WDR11: variants seen among roughly 807,000 people sequenced by gnomAD.
WDR11 encodes WD repeat domain 11.
WDR11 carries 83 observed loss-of-function variants against 151.2 expected under a neutral mutation model. That is an observed-to-expected ratio of 0.55 (90% confidence interval 0.46 to 0.66). The LOEUF (loss-of-function observed/expected upper bound fraction) is 0.66. WDR11 is among the 30% of genes least tolerant of loss of function. The pLI is 0.00. For synonymous variants in WDR11, 484 were observed against 533.1 expected, an observed-to-expected ratio of 0.91 and a Z score of 1.27; for missense variants, 1,301 against 1,480.9, an observed-to-expected ratio of 0.88 and a Z score of 1.99.
At chr10:120,877,795 T>C (rs2133770216) in intron 11 of WDR11, among the ~76,000 whole-genome samples, 1 of 152,326 alleles carries the variant, frequency 6.6e-6, no homozygotes, top group African/African-American at 2.4e-5. Flanking sequence ...CTAAAGCACT[T>C]GAAGGTTGTA....
chr10:120,871,623 G>T (rs543020399), intron 10 of WDR11, among the ~76,000 whole-genome samples: 2 of 152,242 alleles, frequency 1.3e-5, no homozygotes, highest in East Asian at 3.9e-4. Flanking sequence ...AATACCAGGA[G>T]GCTCATCCCT....
In WDR11 at chr10:120,860,909, G is replaced by A. The variant is rs74911252; in HGVS notation, c.526+627G>A. On this transcript the variant is annotated intron_variant, in intron 4 of 28. Transcript: ENST00000263461. The stretch of plus-strand genomic sequence containing the variant: ...TTGCTACTCTTCTGGGAACCAAGAT[G>A]TCTCAGAACCCAAAAGGCAGGAGCC... Among the ~76,000 whole-genome samples, 1,486 of 152,328 alleles carry A rather than the reference G, an allele frequency of 9.8e-3. 22 individuals carry two copies. Among genetic ancestry groups the A allele is most frequent in the African/African-American group, 0.034 (1,418 of 41,558 alleles).
intron 12 of WDR11, 170 bp from the exon 13 acceptor site, chr10:120,880,656 C>A (rs1204419528): frequency 1.9e-5 from 10 of 535,370 alleles, no homozygotes; most frequent in African/African-American, 2.1e-5. Context: ...GAGACCATCT[C>A]AAAAAAAAAA....
chr10:120,878,496 G>C lies in WDR11; in HGVS notation c.1663+37G>C, dbSNP rs767011324. 2.0e-6 allele frequency: 3 copies of C among 1,505,796 alleles called. No homozygotes were observed. In the South Asian group the frequency reaches 3.4e-5, roughly 17 times the overall value. The allele number at this position is 1,505,796 out of a possible 1,614,324, so 93.3% of individuals were successfully genotyped here. A position where few individuals can be genotyped will look rare whatever the true frequency, so the allele number is the denominator to read the frequency against. ...AAGATCCAAATAGGTTTGTCATATT[G>C]AATAAACATGTTGCCATTTATAAAA... On this transcript the variant is annotated intron_variant, in intron 12 of 28. Coordinates refer to ENST00000263461, the MANE Select transcript of WDR11 (RefSeq NM_018117.12).
chr10:120,906,838 A>G lies in WDR11; in HGVS notation c.3500A>G (p.Glu1167Gly). The G allele has an allele frequency of 6.2e-7, 1 of 1,614,210 alleles. No individual in the cohort carries two copies. The highest frequency in any genetic ancestry group is 1.3e-5 in the African/African-American group (1 of 75,066). The change falls in exon 28 of 29, where the codon GAA becomes GGA. Residue 1167 changes from glutamate (E) to glycine (G), a missense_variant. Physicochemically the swap from Glu to Gly is moderately conservative, Grantham distance 98. Around this residue, in one of 3 missense-constraint regions of WDR11, gnomAD observed 589 missense variants for 670.6 expected, o/e 0.88. Transcript: ENST00000263461. ...VEACLKYGAFEVTEDTEKLIT... is the reference protein window; with the variant it reads ...VEACLKYGAFGVTEDTEKLIT... Reference sequence around the variant, plus strand: ...GCTTGCCTCAAGTATGGAGCATTTGAAGTCACTGAGGACACAGATATCCTT... The same window carrying G: ...GCTTGCCTCAAGTATGGAGCATTTGGAGTCACTGAGGACACAGATATCCTT...
intron 14 of WDR11, among the ~76,000 whole-genome samples, chr10:120,884,309 G>A (rs1161036761): frequency 6.6e-6 from 1 of 152,106 alleles, no homozygotes; most frequent in Non-Finnish European, 1.5e-5. Flanking sequence ...TAGAAAGTGA[G>A]TCAACCTAAT....
intron 24 of WDR11, 82 bp from the exon 25 acceptor site, chr10:120,904,564 T>C: frequency 3.2e-6 from 5 of 1,546,980 alleles, no homozygotes; most frequent in Non-Finnish European, 4.4e-6. Context: ...GTGTTTTCCT[T>C]TAGTTTTCTA....
chr10:120,869,106 GTT>G (rs35675368), intron 9 of WDR11, among the ~76,000 whole-genome samples: 1,447 of 81,880 alleles, frequency 0.018, 6 homozygotes, highest in Middle Eastern at 0.026. Context: ...TAAATTACAG[GTT>G]TTTTTTTTTT....
chr10:120,870,450 G>A (rs1846496650), intron 9 of WDR11, among the ~76,000 whole-genome samples: 1 of 152,016 alleles, frequency 6.6e-6, no homozygotes, highest in South Asian at 2.1e-4. Flanking sequence ...TCATTGTACT[G>A]TTTAGATTTA....
rs1231281883 is a variant in WDR11 at position 120,909,450 on chromosome 10, C to CTAT, written c.*741_*743dup. On this transcript the variant is annotated 3_prime_UTR_variant, in exon 29 of 29. Coordinates refer to ENST00000263461, the MANE Select transcript of WDR11 (RefSeq NM_018117.12). ...CTAATAGTTGAAGTATGAGATGTAACTATTATAAACTGTTGCTGAAAACAT... is the reference window on the plus strand; with the variant it reads ...CTAATAGTTGAAGTATGAGATGTAACTATTATTATAAACTGTTGCTGAAAACAT... 1 of 152,668 alleles carries CTAT rather than the reference C, an allele frequency of 6.6e-6. No individual in the cohort carries two copies. The allele number at this position is 152,668 out of a possible 1,614,324, so 9.5% of individuals were successfully genotyped here.
intron 14 of WDR11, among the ~76,000 whole-genome samples, chr10:120,885,371 T>C (rs1847184096): frequency 6.6e-6 from 1 of 151,974 alleles, no homozygotes; most frequent in Admixed American, 6.6e-5. Context: ...AACTTATACA[T>C]ATGCGAGGAT....
intron 16 of WDR11, among the ~76,000 whole-genome samples, chr10:120,887,606 T>C (rs1847265304): frequency 6.6e-6 from 1 of 152,244 alleles, no homozygotes; most frequent in Non-Finnish European, 1.5e-5. Context: ...GGCTACAGTC[T>C]TTTGAAGTGT....
In WDR11 at chr10:120,883,765, T is replaced by G. The variant is rs377494258; in HGVS notation, c.1740-15T>G. On this transcript the variant is annotated splice_polypyrimidine_tract_variant and intron_variant, in intron 13 of 28. Transcript: ENST00000263461. Reference sequence around the variant, plus strand: ...TTGCAAAAAGGGGCTTATTTAGTAATTTTGTTTATTTTAGGCAGTATTTGG... The same window carrying G: ...TTGCAAAAAGGGGCTTATTTAGTAAGTTTGTTTATTTTAGGCAGTATTTGG... The G allele has an allele frequency of 6.8e-6, 11 of 1,612,338 alleles. No individual in the cohort carries two copies. The highest frequency in any genetic ancestry group is 9.3e-6 in the Non-Finnish European group (11 of 1,178,638).
At chr10:120,880,726 T>A in intron 12 of WDR11, 100 bp from the exon 13 acceptor site, 1 of 975,842 alleles carries the variant, frequency 1.0e-6, no homozygotes. Context: ...GAACAGAGGG[T>A]AGGATGGGTA....
At position 120,889,972 on chromosome 10, in the gene WDR11, T is replaced by G. The variant is rs747083795; in HGVS notation, c.2306T>G (p.Met769Arg). ...PGKGNQKLIA[M>R]YNDGAEVWDT... ...AAAGGAAATCAAAAATTAATAGCAATGTACAATGATGGAGCTGAAGTGTGG... is the reference window on the plus strand; with the variant it reads ...AAAGGAAATCAAAAATTAATAGCAAGGTACAATGATGGAGCTGAAGTGTGG... The change falls in exon 18 of 29, where the codon ATG (methionine) becomes AGG (arginine). Residue 769 changes from methionine to arginine, a missense_variant. Met to Arg is a moderately conservative substitution (Grantham distance 91). Coordinates refer to ENST00000263461, the MANE Select transcript of WDR11 (RefSeq NM_018117.12). The G allele has an allele frequency of 8.1e-6, 13 of 1,613,794 alleles. No homozygotes were observed. In the Admixed American group the frequency reaches 1.8e-4, roughly 23 times the overall value.
rs760684411 is a variant in WDR11, at chr10:120,851,474, C to G, written c.54C>G (p.Ala18=). The change falls in exon 1 of 29, where the codon GCC becomes GCG. Residue 18 remains alanine, a synonymous_variant. Coordinates refer to ENST00000263461, the MANE Select transcript of WDR11 (RefSeq NM_018117.12). ...FKVSARTLTG[A]LNAHNKAAVD... is the part of the protein sequence containing the mutation. ...TGTCGGCGCGCACCCTCACGGGGGC[C>G]CTCAACGCCCACAACAAGGCGGCGG... 5 of 1,612,206 alleles carry G rather than the reference C, an allele frequency of 3.1e-6. No individual in the cohort carries two copies. The South Asian group carries it at 5.5e-5, about 18-fold the overall frequency.
intron 2 of WDR11, among the ~76,000 whole-genome samples, chr10:120,853,162 C>T (rs1229480662): frequency 6.6e-6 from 1 of 152,188 alleles, no homozygotes; most frequent in East Asian, 1.9e-4. Flanking sequence ...AGTAGCGTGC[C>T]ATAAAGATGG....
In WDR11 at chr10:120,886,137, A is replaced by G. The variant is rs7903356; in HGVS notation, c.1973+199A>G. Among the ~76,000 whole-genome samples, 56,579 of 152,026 alleles carry G rather than the reference A, an allele frequency of 0.37. 10,620 individuals are homozygous for G. Among genetic ancestry groups the G allele is most frequent in the Admixed American group, 0.44 (6,712 of 15,284 alleles). ...TTAGTATTGTACTATACTGTTTGTT[A>G]TAACTAATAACATATGCAGTAATAT... is the stretch of plus-strand genomic sequence containing the variant. On this transcript the variant is annotated intron_variant, in intron 15 of 28. Coordinates refer to ENST00000263461, the MANE Select transcript of WDR11 (RefSeq NM_018117.12).
chr10:120,906,502 G>A, intron 27 of WDR11: 1 of 1,325,984 alleles, frequency 7.5e-7, no homozygotes, highest in Non-Finnish European at 9.7e-7. Flanking sequence ...TCTGGACAGG[G>A]GTACATGGGC....
Sources: allele counts gnomAD v4.1 joint callset (sites outside exome capture counted in the v4.1 genomes callset), GRCh38; gene constraint gnomAD v4.1.1; regional missense constraint gnomAD v4.1.1; transcripts MANE v1.5; gene names NCBI Gene and HGNC (gene_info 2026-07-23, HGNC 2026-07-21).